The following MTMR2 variants were observed in gnomAD, a reference collection of about 807,000 sequenced individuals.
MTMR2 encodes the protein phosphatidylinositol-3,5-bisphosphate 3-phosphatase MTMR2.
MTMR2 carries 55 observed loss-of-function variants against 86.9 expected under a neutral mutation model. The observed-to-expected ratio is 0.63, with a 90% confidence interval of 0.51 to 0.79. The LOEUF is 0.79. MTMR2 is among the 30% of genes least tolerant of loss of function. The probability of loss-of-function intolerance (pLI) is 0.00; values close to 1 mark genes in which losing one functional copy is unlikely to be tolerated. For synonymous variants in MTMR2, 241 were observed against 266.8 expected (o/e 0.90, Z 0.94); for missense variants, 659 against 772.3 (o/e 0.85, Z 1.74).
intron 11 of MTMR2, among the ~76,000 whole-genome samples, chr11:95,843,516 AAAG>A (rs1863640410): frequency 6.6e-6 from 1 of 152,218 alleles, no homozygotes; most frequent in South Asian, 2.1e-4. Flanking sequence ...GCGTAGTATC[AAAG>A]AAGAATATCT....
chr11:95,883,536 C>T (rs1217911064), intron 2 of MTMR2, among the ~76,000 whole-genome samples: 1 of 152,098 alleles, frequency 6.6e-6, no homozygotes, highest in African/African-American at 2.4e-5. Context: ...ATTATGTCAC[C>T]AGAAAAGCAC....
At chr11:95,878,730 CA>C (rs2135524684) in intron 2 of MTMR2, among the ~76,000 whole-genome samples, 1 of 152,214 alleles carries the variant, frequency 6.6e-6, no homozygotes, top group African/African-American at 2.4e-5. Context: ...GGACGAGCCC[CA>C]CACCTTCTGA....
chr11:95,887,129 G>C (rs1042388960), intron 2 of MTMR2, among the ~76,000 whole-genome samples: 13 of 152,084 alleles, frequency 8.5e-5, no homozygotes, highest in Non-Finnish European at 1.6e-4. Context: ...TCTTCTTGTT[G>C]AATTCTGTTT....
chr11:95,890,881 A>C (rs1865692281), intron 1 of MTMR2, among the ~76,000 whole-genome samples: 1 of 152,144 alleles, frequency 6.6e-6, no homozygotes, highest in East Asian at 1.9e-4. Flanking sequence ...TCGAAAAATT[A>C]AATAAAATTA....
chr11:95,900,679 G>A (rs1866041539), intron 1 of MTMR2, among the ~76,000 whole-genome samples: 1 of 151,454 alleles, frequency 6.6e-6, no homozygotes, highest in Admixed American at 6.6e-5. Context: ...ACATCATTCT[G>A]CCCCATCCAG....
chr11:95,918,511 C>G (rs896538338), intron 1 of MTMR2, among the ~76,000 whole-genome samples: 2 of 152,152 alleles, frequency 1.3e-5, no homozygotes, highest in African/African-American at 4.8e-5. Context: ...TTCTGAAAAG[C>G]TACATAATTA....
At position 95,838,288 on chromosome 11, in the gene MTMR2, G is replaced by A. The variant is rs144656779; in HGVS notation, c.1480-81C>T. Reference sequence around the variant, plus strand: ...CCCTGTCATGGGTAGATCCTTTTGAGGTAGTATTTAAAATGAAGTTAAACA... The same window carrying A: ...CCCTGTCATGGGTAGATCCTTTTGAAGTAGTATTTAAAATGAAGTTAAACA... On this transcript the variant is annotated intron_variant, in intron 12 of 14. Coordinates refer to ENST00000346299, the MANE Select transcript of MTMR2 (RefSeq NM_016156.6). 66 of 792,038 alleles carry A rather than the reference G, an allele frequency of 8.3e-5. No homozygotes were observed. The East Asian group carries it at 1.6e-3, about 19-fold the overall frequency. 49.1% of individuals were successfully genotyped at this position (792,038 alleles called of 1,614,324 possible).
At position 95,924,018 on chromosome 11, in the gene MTMR2, C is replaced by T. The variant is rs1867044463; in HGVS notation, c.-64G>A. The T allele has an allele frequency of 5.2e-6, 8 of 1,540,554 alleles. No homozygotes were observed. The highest frequency in any genetic ancestry group is 2.4e-5 in the South Asian group (2 of 83,824). On this transcript the variant is annotated 5_prime_UTR_variant, in exon 1 of 15. Transcript: ENST00000346299. ...CTTCGCGGCTACAGGGCGGGAGAAG[C>T]GGAGGGCGGAGTGCTACGGACCGGG...
At position 95,860,217 on chromosome 11, in the gene MTMR2, A is replaced by G. The variant is rs186576595; in HGVS notation, c.469-1585T>C. ...GCCCTTCTGACTATAATGGAAAACCACAGGCCAGGCACAGTGGCTCACACC... is the reference window on the plus strand; with the variant it reads ...GCCCTTCTGACTATAATGGAAAACCGCAGGCCAGGCACAGTGGCTCACACC... On this transcript the variant is annotated intron_variant, in intron 5 of 14. Transcript: ENST00000346299. Among the ~76,000 whole-genome samples the G allele has an allele frequency of 2.9e-3, 440 of 152,242 alleles. 4 individuals carry two copies. Among genetic ancestry groups the G allele is most frequent in the African/African-American group, 0.01 (422 of 41,562 alleles).
chr11:95,907,593 A>C (rs377395689), intron 1 of MTMR2, among the ~76,000 whole-genome samples: 6 of 152,328 alleles, frequency 3.9e-5, no homozygotes, highest in Admixed American at 2.6e-4. Flanking sequence ...TTCCTGATGA[A>C]CATAGCTGCA....
intron 2 of MTMR2, among the ~76,000 whole-genome samples, chr11:95,867,794 A>G (rs1203267015): frequency 6.9e-6 from 1 of 144,318 alleles, no homozygotes. Flanking sequence ...AGGAGAAAAG[A>G]GACTAGGAAA....
At chr11:95,909,208 A>C (rs1371948371) in intron 1 of MTMR2, among the ~76,000 whole-genome samples, 2 of 152,170 alleles carry the variant, frequency 1.3e-5, no homozygotes, top group Non-Finnish European at 2.9e-5. Context: ...AAAGTTATAC[A>C]AACATTATTG....
At chr11:95,864,354 A>C (rs1247087629) in intron 3 of MTMR2, among the ~76,000 whole-genome samples, 1 of 152,128 alleles carries the variant, frequency 6.6e-6, no homozygotes, top group Admixed American at 6.6e-5. Flanking sequence ...AATGAGACTG[A>C]GTGGTAACTT....
At chr11:95,850,494 G>C in intron 8 of MTMR2, 106 bp downstream of exon 8, 1 of 1,158,024 alleles carries the variant, frequency 8.6e-7, no homozygotes, top group Non-Finnish European at 1.3e-6. Flanking sequence ...TGAAAGACCT[G>C]CTGCTGTAGC....
At chr11:95,858,904 T>C (rs187747377) in intron 5 of MTMR2, among the ~76,000 whole-genome samples, 3 of 152,168 alleles carry the variant, frequency 2.0e-5, no homozygotes, top group Admixed American at 6.5e-5. Flanking sequence ...AAAGAGGTAG[T>C]ATTTGATGTA....
chr11:95,865,411 A>C (rs1312372815), intron 3 of MTMR2, 190 bp downstream of exon 3: 3 of 609,520 alleles, frequency 4.9e-6, no homozygotes, highest in Non-Finnish European at 8.8e-6. Flanking sequence ...GAGTTCAAAC[A>C]CAAACACTAG....
At chr11:95,914,382 T>C (rs947524297) in intron 1 of MTMR2, 1 of 983,214 alleles carries the variant, frequency 1.0e-6, no homozygotes, top group Non-Finnish European at 1.2e-6. Context: ...TCTAAATCAT[T>C]GTGCAAAGCC....
At chr11:95,898,450 T>C (rs1246469197) in intron 1 of MTMR2, among the ~76,000 whole-genome samples, 1 of 152,010 alleles carries the variant, frequency 6.6e-6, no homozygotes, top group Non-Finnish European at 1.5e-5. Context: ...CCCTTGCTGT[T>C]GTTGGTGAAC....
At chr11:95,843,390 T>C (rs1432218573) in intron 11 of MTMR2, among the ~76,000 whole-genome samples, 1 of 152,132 alleles carries the variant, frequency 6.6e-6, no homozygotes, top group Non-Finnish European at 1.5e-5. Flanking sequence ...GGGTAAAAGA[T>C]CTATTCAAAA....
Sources: allele counts gnomAD v4.1 joint callset (sites outside exome capture counted in the v4.1 genomes callset), GRCh38; gene constraint gnomAD v4.1.1; transcripts MANE v1.5; gene names NCBI Gene and HGNC (gene_info 2026-07-23, HGNC 2026-07-21).